The following KALRN variants were observed in gnomAD, a reference collection of about 807,000 sequenced individuals.
KALRN encodes the protein kalirin RhoGEF kinase.
In KALRN, 70 loss-of-function variants were observed where a neutral mutation model predicts 353.7. The ratio of observed to expected loss-of-function variants is 0.20; its 90% CI spans 0.16 to 0.24. The LOEUF (loss-of-function observed/expected upper bound fraction) is 0.24, where lower values mean the gene tolerates loss of function less well. KALRN is among the 10% of genes least tolerant of loss of function. The probability of loss-of-function intolerance (pLI) is 1.00; values close to 1 mark genes in which losing one functional copy is unlikely to be tolerated. For synonymous variants in KALRN, 1,391 were observed against 1,434.8 expected (o/e 0.97, Z 0.69); for missense variants, 2,791 against 3,756.7 (o/e 0.74, Z 6.72).
chr3:124,179,807 A>G (rs2073316948), intron 1 of KALRN, among the ~76,000 whole-genome samples: 1 of 152,220 alleles, frequency 6.6e-6, no homozygotes, highest in Non-Finnish European at 1.5e-5. Context: ...GTGCATGGCT[A>G]TTCTGCAATA....
At chr3:124,036,711 TA>T (rs555759165) in intron 1 of KALRN, among the ~76,000 whole-genome samples, 6 of 152,368 alleles carry the variant, frequency 3.9e-5, no homozygotes, top group South Asian at 2.1e-4. Flanking sequence ...GCACCAGGGT[TA>T]CCCCTTTCTT....
At chr3:124,484,318 GAGTGGGGCCGT>G (rs1056285650) in intron 28 of KALRN, among the ~76,000 whole-genome samples, 2 of 152,158 alleles carry the variant, frequency 1.3e-5, no homozygotes, top group African/African-American at 4.8e-5. Flanking sequence ...CTCTGAGTCA[GAGTGGGGCCGT>G]GCCACATCAT....
chr3:124,498,554 T>C (rs2064142512), intron 33 of KALRN, among the ~76,000 whole-genome samples: 1 of 152,170 alleles, frequency 6.6e-6, no homozygotes, highest in African/African-American at 2.4e-5. Flanking sequence ...AGCAGACAGA[T>C]ATATGAACAT....
intron 1 of KALRN, among the ~76,000 whole-genome samples, chr3:124,066,014 G>A (rs550442894): frequency 2.0e-5 from 3 of 152,246 alleles, no homozygotes; most frequent in Admixed American, 6.5e-5. Context: ...TGGGCTTGAC[G>A]GGGATCCAGG....
At chr3:124,099,124 C>G (rs1242199727) in intron 1 of KALRN, among the ~76,000 whole-genome samples, 1 of 152,116 alleles carries the variant, frequency 6.6e-6, no homozygotes, top group Non-Finnish European at 1.5e-5. Context: ...CATTTCAAAT[C>G]TTCTCTTCTA....
chr3:124,123,003 C>T (rs183633440), intron 1 of KALRN, among the ~76,000 whole-genome samples: 4 of 152,096 alleles, frequency 2.6e-5, no homozygotes, highest in African/African-American at 9.6e-5. Flanking sequence ...GAGTTTGAGA[C>T]CAGCCTGACC....
intron 1 of KALRN, among the ~76,000 whole-genome samples, chr3:124,185,239 C>T (rs2074073736): frequency 1.3e-5 from 2 of 152,202 alleles, no homozygotes. Flanking sequence ...TGGTCTCGAA[C>T]TCCTGAGCAC....
At chr3:124,215,738 C>A (rs1045319817) in intron 1 of KALRN, among the ~76,000 whole-genome samples, 2 of 152,148 alleles carry the variant, frequency 1.3e-5, no homozygotes, top group South Asian at 2.1e-4. Context: ...AGGGCTGTGA[C>A]CTTCCCCTCA....
intron 33 of KALRN, among the ~76,000 whole-genome samples, chr3:124,553,529 C>T (rs183399588): frequency 1.1e-4 from 17 of 152,326 alleles, no homozygotes; most frequent in Admixed American, 8.5e-4. Flanking sequence ...TGCAGGAATG[C>T]CTGGGGCTTT....
intron 1 of KALRN, among the ~76,000 whole-genome samples, chr3:124,211,781 G>A (rs1202965279): frequency 2.0e-5 from 3 of 152,168 alleles, no homozygotes; most frequent in Non-Finnish European, 4.4e-5. Flanking sequence ...GATTTTAGAG[G>A]AGTGGTGGCA....
At chr3:124,430,193 T>C (rs1390854606) in intron 15 of KALRN, among the ~76,000 whole-genome samples, 1 of 152,192 alleles carries the variant, frequency 6.6e-6, no homozygotes, top group Non-Finnish European at 1.5e-5. Context: ...CAAAATGATA[T>C]GCTTGCACTA....
intron 19 of KALRN, among the ~76,000 whole-genome samples, 153 bp downstream of exon 19, chr3:124,442,212 T>C (rs1228483208): frequency 6.6e-6 from 1 of 152,180 alleles, no homozygotes; most frequent in Non-Finnish European, 1.5e-5. Context: ...GCAGTAATGA[T>C]TCATGGTCAA....
At chr3:124,469,021 A>G (rs1281082659) in intron 25 of KALRN, among the ~76,000 whole-genome samples, 3 of 152,268 alleles carry the variant, frequency 2.0e-5, no homozygotes, top group South Asian at 4.1e-4. Flanking sequence ...CTAACTTCTT[A>G]GCATCCATGC....
intron 10 of KALRN, among the ~76,000 whole-genome samples, chr3:124,352,436 C>T (rs957248401): frequency 2.0e-5 from 3 of 152,208 alleles, no homozygotes; most frequent in African/African-American, 4.8e-5. Context: ...ATTTTCTGTA[C>T]GCTAATTTAG....
intron 24 of KALRN, 32 bp downstream of exon 24, chr3:124,461,988 A>G (rs747216146): frequency 1.3e-6 from 2 of 1,523,352 alleles, no homozygotes; most frequent in South Asian, 1.1e-5. Context: ...TCACAGCTAT[A>G]TTGGAAAAAT....
At chr3:124,263,048 T>G (rs1405838976) in intron 3 of KALRN, among the ~76,000 whole-genome samples, 1 of 152,178 alleles carries the variant, frequency 6.6e-6, no homozygotes, top group Non-Finnish European at 1.5e-5. Flanking sequence ...ATAGACTTTC[T>G]TCCAAACTGA....
At chr3:124,545,993 C>A (rs1194733535) in intron 33 of KALRN, among the ~76,000 whole-genome samples, 1 of 152,146 alleles carries the variant, frequency 6.6e-6, no homozygotes, top group African/African-American at 2.4e-5. Flanking sequence ...CTCCCTTTTT[C>A]TAGTTCCCTT....
chr3:124,037,217 TGAA>T (rs1396132693), intron 1 of KALRN, among the ~76,000 whole-genome samples: 2 of 152,262 alleles, frequency 1.3e-5, no homozygotes, highest in Admixed American at 6.5e-5. Context: ...AAAGAACTTC[TGAA>T]GAAGATTGAC....
intron 52 of KALRN, 100 bp downstream of exon 52, chr3:124,693,931 T>G: frequency 1.2e-6 from 1 of 818,482 alleles, no homozygotes; most frequent in Non-Finnish European, 2.0e-6. Context: ...GGTGATATAG[T>G]TCTGTATCAA....
Sources: gnomAD v4.1 joint callset for allele counts (sites outside exome capture counted in the v4.1 genomes callset) on GRCh38, gnomAD v4.1.1 for gene constraint, MANE v1.5 for transcripts, NCBI Gene and HGNC (gene_info 2026-07-23, HGNC 2026-07-21) for gene names.